The following DIAPH3 variants were observed in gnomAD, a reference collection of about 807,000 sequenced individuals.
DIAPH3 encodes the protein protein diaphanous homolog 3.
In DIAPH3, 117 loss-of-function variants were observed where a neutral mutation model predicts 144.3. The observed-to-expected ratio is 0.81, with a 90% CI of 0.70 to 0.95. The LOEUF (loss-of-function observed/expected upper bound fraction) is 0.95, where lower values mean the gene tolerates loss of function less well. Ranked by LOEUF, DIAPH3 falls within the 40% of genes least tolerant of loss-of-function variation. The pLI is 0.00. For missense variants in DIAPH3, 1,421 were observed against 1,412.7 expected (o/e 1.01, Z -0.09); for synonymous variants, 519 against 488.9 (o/e 1.06, Z -0.81).
In DIAPH3 at chr13:59,780,140, T is replaced by C. The variant is rs534327812; in HGVS notation, c.3164-5317A>G. 1.5e-4 allele frequency among the ~76,000 whole-genome samples: 23 copies of C among 151,928 alleles called. No individual in the cohort carries two copies. The South Asian group carries it at 4.8e-3, about 32-fold the overall frequency. On this transcript the variant is annotated intron_variant, in intron 25 of 27. Coordinates refer to ENST00000400324, the MANE Select transcript of DIAPH3 (RefSeq NM_001042517.2). The stretch of plus-strand genomic sequence containing the variant: ...ATGCATATGGTACTGTGTGCCAGGA[T>C]GTTACTAGGCACCAAGATACCTAGG...
chr13:60,009,155 C>T (rs1279645694), intron 8 of DIAPH3, among the ~76,000 whole-genome samples: 4 of 151,902 alleles, frequency 2.6e-5, no homozygotes, highest in Admixed American at 1.3e-4. Flanking sequence ...GAGTGATAGT[C>T]GAAAATATAT....
intron 24 of DIAPH3, among the ~76,000 whole-genome samples, chr13:59,814,468 G>A (rs1407008753): frequency 6.6e-6 from 1 of 152,150 alleles, no homozygotes; most frequent in African/African-American, 2.4e-5. Context: ...ACAGAAATAG[G>A]TGAGTCTGAG....
chr13:60,010,394 C>G, intron 8 of DIAPH3, 139 bp downstream of exon 8: 1 of 857,960 alleles, frequency 1.2e-6, no homozygotes, highest in East Asian at 2.9e-5. Flanking sequence ...CAATAAGAAA[C>G]TATATTAGCT....
intron 5 of DIAPH3, among the ~76,000 whole-genome samples, chr13:60,028,501 T>C (rs1333285742): frequency 1.3e-5 from 2 of 152,144 alleles, no homozygotes; most frequent in Non-Finnish European, 2.9e-5. Context: ...CTCCTCAGTC[T>C]GTGTTTCTGC....
intron 22 of DIAPH3, among the ~76,000 whole-genome samples, chr13:59,845,669 C>G (rs557621811): frequency 1.3e-5 from 2 of 152,306 alleles, no homozygotes; most frequent in East Asian, 3.9e-4. Flanking sequence ...GTCTATCTGC[C>G]TTGTGCACTT....
At chr13:60,145,514 G>C (rs990917453) in intron 1 of DIAPH3, among the ~76,000 whole-genome samples, 4 of 152,156 alleles carry the variant, frequency 2.6e-5, no homozygotes, top group African/African-American at 9.7e-5. Context: ...GCTGGGCGTG[G>C]TGGCGGGCAC....
chr13:59,918,463 T>C (rs149545210), intron 18 of DIAPH3, among the ~76,000 whole-genome samples: 270 of 152,212 alleles, frequency 1.8e-3, no homozygotes, highest in African/African-American at 6.0e-3. Context: ...CGACCTTCGT[T>C]TACAGAAAAT....
chr13:59,845,432 T>G (rs2042578579), intron 22 of DIAPH3, among the ~76,000 whole-genome samples: 1 of 152,176 alleles, frequency 6.6e-6, no homozygotes, highest in Non-Finnish European at 1.5e-5. Flanking sequence ...TTTCACACTG[T>G]GCATAGGGGT....
intron 21 of DIAPH3, among the ~76,000 whole-genome samples, chr13:59,864,992 C>CATGTTGTTG: frequency 6.6e-6 from 1 of 152,114 alleles, no homozygotes; most frequent in Admixed American, 6.6e-5. Context: ...AGAAAAGAAG[C>CATGTTGTTG]ATGTTGTTGA....
chr13:59,743,619 A>T (rs2036569748), intron 27 of DIAPH3, among the ~76,000 whole-genome samples: 1 of 152,204 alleles, frequency 6.6e-6, no homozygotes, highest in Non-Finnish European at 1.5e-5. Context: ...AAAAAGTGGC[A>T]TATTATCTTT....
At chr13:59,761,943 C>T (rs1184512939) in intron 27 of DIAPH3, among the ~76,000 whole-genome samples, 1 of 151,950 alleles carries the variant, frequency 6.6e-6, no homozygotes, top group Non-Finnish European at 1.5e-5. Context: ...ATGGAAGCTC[C>T]AGTTCCTTAC....
intron 9 of DIAPH3, among the ~76,000 whole-genome samples, chr13:59,999,752 T>TG (rs201380513): frequency 0.03 from 4,491 of 152,164 alleles, 92 homozygotes; most frequent in Middle Eastern, 0.044. Context: ...CTTCCCACTC[T>TG]CCTTCACCTA....
At chr13:60,012,527 C>G (rs577938192) in intron 7 of DIAPH3, among the ~76,000 whole-genome samples, 3 of 152,334 alleles carry the variant, frequency 2.0e-5, no homozygotes, top group African/African-American at 7.2e-5. Flanking sequence ...CACTTAGATT[C>G]AATTCAGAAA....
intron 4 of DIAPH3, among the ~76,000 whole-genome samples, chr13:60,052,694 T>C (rs561229443): frequency 3.9e-5 from 6 of 152,024 alleles, no homozygotes; most frequent in Admixed American, 2.6e-4. Context: ...ATGGAAGGTA[T>C]ACATAGACTA....
At chr13:60,041,289 T>C (rs1243071619) in intron 5 of DIAPH3, among the ~76,000 whole-genome samples, 1 of 152,166 alleles carries the variant, frequency 6.6e-6, no homozygotes, top group African/African-American at 2.4e-5. Context: ...TAAAACCTCA[T>C]TGTTTCAATC....
intron 27 of DIAPH3, among the ~76,000 whole-genome samples, chr13:59,697,225 C>T (rs1312426998): frequency 1.3e-5 from 2 of 151,318 alleles, no homozygotes; most frequent in Non-Finnish European, 2.9e-5. Context: ...TTTGGGAGGC[C>T]GAGGCGGGCG....
chr13:59,818,877 A>G (rs752570776), intron 24 of DIAPH3, among the ~76,000 whole-genome samples: 7 of 151,592 alleles, frequency 4.6e-5, no homozygotes, highest in Admixed American at 4.6e-4. Flanking sequence ...CATACATTCT[A>G]TTTGCTTTTT....
chr13:60,155,467 T>G (rs1188728259), intron 1 of DIAPH3, among the ~76,000 whole-genome samples: 2 of 152,194 alleles, frequency 1.3e-5, no homozygotes, highest in Non-Finnish European at 2.9e-5. Context: ...TTAAAAAAAT[T>G]TCTGGGTTTT....
intron 27 of DIAPH3, among the ~76,000 whole-genome samples, chr13:59,703,234 TGAGTAA>T (rs1476007079): frequency 7.9e-5 from 12 of 152,306 alleles, no homozygotes; most frequent in African/African-American, 2.6e-4. Context: ...AGACTTCGCA[TGAGTAA>T]AAGAAAACAG....
Sources: allele counts gnomAD v4.1 joint callset (sites outside exome capture counted in the v4.1 genomes callset), GRCh38; gene constraint gnomAD v4.1.1; transcripts MANE v1.5; gene names NCBI Gene and HGNC (gene_info 2026-07-23, HGNC 2026-07-21).